PPP2R5C: variants seen among roughly 807,000 people sequenced by gnomAD.
PPP2R5C encodes the protein serine/threonine-protein phosphatase 2A 56 kDa regulatory subunit gamma isoform.
In PPP2R5C, 7 loss-of-function variants were observed where a neutral mutation model predicts 68.9. The ratio of observed to expected loss-of-function variants is 0.10; its 90% confidence interval spans 0.06 to 0.19. PPP2R5C has a LOEUF of 0.19. Ranked by LOEUF, PPP2R5C falls within the 10% of genes least tolerant of loss-of-function variation. PPP2R5C has a pLI of 1.00. For missense variants in PPP2R5C, 348 were observed against 641.3 expected (o/e 0.54, Z 4.94); for synonymous variants, 210 against 222.2 (o/e 0.95, Z 0.49).
At chr14:101,790,242 T>C (rs937639108) in intron 3 of PPP2R5C, among the ~76,000 whole-genome samples, 82 of 152,240 alleles carry the variant, frequency 5.4e-4, no homozygotes, top group African/African-American at 1.9e-3. Context: ...TTTCAAGTCA[T>C]AGGTTTTTCT....
At chr14:101,804,411 T>G (rs1334138676) in intron 3 of PPP2R5C, among the ~76,000 whole-genome samples, 1 of 152,188 alleles carries the variant, frequency 6.6e-6, no homozygotes, top group African/African-American at 2.4e-5. Flanking sequence ...CAAAGAGATA[T>G]CTGCACTCCT....
intron 2 of PPP2R5C, among the ~76,000 whole-genome samples, chr14:101,878,126 G>A (rs566861568): frequency 3.9e-5 from 6 of 152,334 alleles, no homozygotes; most frequent in South Asian, 2.1e-4. Flanking sequence ...CAGAGAAGGC[G>A]AGTGTGAGCC....
intron 3 of PPP2R5C, among the ~76,000 whole-genome samples, chr14:101,792,708 A>G (rs2038415038): frequency 6.6e-6 from 1 of 152,186 alleles, no homozygotes; most frequent in South Asian, 2.1e-4. Flanking sequence ...TTCAGATGGC[A>G]TAATTGCAAT....
Position 101,913,143 on chromosome 14 carries a change from C to T in PPP2R5C, c.1326+670C>T, listed in dbSNP as rs2046484878. Among the ~76,000 whole-genome samples, 1 of 152,146 alleles carries T rather than the reference C, an allele frequency of 6.6e-6. No individual in the cohort carries two copies. The highest frequency in any genetic ancestry group is 1.5e-5 in the Non-Finnish European group (1 of 68,030). On this transcript the variant is annotated intron_variant, in intron 12 of 13. Coordinates refer to ENST00000334743, the Ensembl canonical transcript of PPP2R5C. This position sits in a 1 kb window ranked among gnomAD's most constrained non-coding sequence, Gnocchi z 4.1. ...TGTACGCTGCTGTAAATGACTAGAGCGTTATGACAGTTTCTTCACGTTCTG... is the reference window on the plus strand; with the variant it reads ...TGTACGCTGCTGTAAATGACTAGAGTGTTATGACAGTTTCTTCACGTTCTG...
At chr14:101,774,740 GCAT>G (rs1245463168) in intron 2 of PPP2R5C, among the ~76,000 whole-genome samples, 1 of 152,202 alleles carries the variant, frequency 6.6e-6, no homozygotes, top group Non-Finnish European at 1.5e-5. Context: ...GATTGTGAGT[GCAT>G]CATCGACCTT....
intron 10 of PPP2R5C, among the ~76,000 whole-genome samples, chr14:101,907,329 C>T (rs1373339628): frequency 6.6e-6 from 1 of 151,916 alleles, no homozygotes; most frequent in Non-Finnish European, 1.5e-5. Flanking sequence ...CACCGCTACG[C>T]CTGGCTAATT....
intron 2 of PPP2R5C, among the ~76,000 whole-genome samples, chr14:101,783,667 C>T (rs962149929): frequency 6.6e-6 from 1 of 152,204 alleles, no homozygotes; most frequent in Non-Finnish European, 1.5e-5. Context: ...GACTTGCTTC[C>T]CAGCCCCCTA....
chr14:101,819,360 A>G (rs1013515009), intron 1 of PPP2R5C: 3 of 365,022 alleles, frequency 8.2e-6, no homozygotes, highest in African/African-American at 4.0e-5. Flanking sequence ...AAGATTACCA[A>G]GATCTAATTT....
chr14:101,840,392 C>T (rs1017011937), intron 1 of PPP2R5C, among the ~76,000 whole-genome samples: 1 of 147,060 alleles, frequency 6.8e-6, no homozygotes, highest in Non-Finnish European at 1.5e-5. Flanking sequence ...TAGCAGCCAG[C>T]GTCTCTTGCC....
intron 2 of PPP2R5C, among the ~76,000 whole-genome samples, chr14:101,779,014 T>G (rs1474782601): frequency 6.6e-6 from 1 of 152,160 alleles, no homozygotes; most frequent in African/African-American, 2.4e-5. Context: ...GAGCTGTGGT[T>G]GTGCAATTGC....
At chr14:101,823,285 C>T (rs989493096) in intron 1 of PPP2R5C, among the ~76,000 whole-genome samples, 1 of 152,184 alleles carries the variant, frequency 6.6e-6, no homozygotes, top group Non-Finnish European at 1.5e-5. Flanking sequence ...AGCAGTGCTG[C>T]AGAACCCGGG....
chr14:101,821,924 C>T, intron 1 of PPP2R5C, among the ~76,000 whole-genome samples: 1 of 152,002 alleles, frequency 6.6e-6, no homozygotes, highest in Admixed American at 6.6e-5. Context: ...CACCAAGCTG[C>T]TGGAAATGTG....
intron 1 of PPP2R5C, among the ~76,000 whole-genome samples, chr14:101,828,882 CT>C (rs1362477575): frequency 6.6e-6 from 1 of 152,008 alleles, no homozygotes; most frequent in Non-Finnish European, 1.5e-5. Flanking sequence ...TTTCATTATG[CT>C]GGCCAGGCTG....
intron 2 of PPP2R5C, among the ~76,000 whole-genome samples, chr14:101,872,193 CT>C (rs1383518621): frequency 7.2e-6 from 1 of 138,886 alleles, no homozygotes; most frequent in Non-Finnish European, 1.6e-5. Context: ...TTTCGTGTAT[CT>C]GCAAAAGCCT....
intron 2 of PPP2R5C, among the ~76,000 whole-genome samples, chr14:101,783,337 T>G (rs898319319): frequency 2.1e-5 from 3 of 145,050 alleles, no homozygotes; most frequent in Non-Finnish European, 4.5e-5. Flanking sequence ...GGAGATCACC[T>G]CACCTTCCCA....
rs866523609 is a variant in PPP2R5C at position 101,821,440 on chromosome 14, G to T, written c.94+11404G>T. On this transcript the variant is annotated intron_variant, in intron 1 of 13. Coordinates refer to ENST00000334743, the Ensembl canonical transcript of PPP2R5C. Reference sequence around the variant, plus strand: ...TCCAGACCATTTTCTCCCTGTGGGGGGTGGGTGGGTGGGTGTGTGTGTGTG... The same window carrying T: ...TCCAGACCATTTTCTCCCTGTGGGGTGTGGGTGGGTGGGTGTGTGTGTGTG... 3.7e-3 allele frequency among the ~76,000 whole-genome samples: 495 copies of T among 132,102 alleles called. 2 individuals carry two copies. Among genetic ancestry groups the T allele is most frequent in the African/African-American group, 0.012 (439 of 36,514 alleles). 86.7% of individuals were successfully genotyped at this position (132,102 alleles called of 152,430 possible).
chr14:101,816,847 G>A (rs553260374), intron 1 of PPP2R5C, among the ~76,000 whole-genome samples: 15 of 138,716 alleles, frequency 1.1e-4, no homozygotes, highest in African/African-American at 4.1e-4. Flanking sequence ...TAATGTTTGA[G>A]AGAAATAAAT....
At chr14:101,851,677 C>T (rs1021804629) in intron 1 of PPP2R5C, among the ~76,000 whole-genome samples, 2 of 152,044 alleles carry the variant, frequency 1.3e-5, no homozygotes, top group Non-Finnish European at 2.9e-5. Flanking sequence ...ATTTGGAAGG[C>T]CCCAACATCT....
chr14:101,871,167 C>T (rs1034501698), intron 2 of PPP2R5C, among the ~76,000 whole-genome samples: 11 of 151,974 alleles, frequency 7.2e-5, no homozygotes, highest in African/African-American at 1.9e-4. Flanking sequence ...TATCTTTATA[C>T]GTAAAGTGGG....
Sources: allele counts gnomAD v4.1 joint callset (sites outside exome capture counted in the v4.1 genomes callset), GRCh38; gene constraint gnomAD v4.1.1; non-coding constraint Gnocchi (gnomAD v3.1); transcripts MANE v1.5; gene names NCBI Gene and HGNC (gene_info 2026-07-23, HGNC 2026-07-21).